NCOA2: variants seen among roughly 807,000 people sequenced by gnomAD.
NCOA2 encodes the protein nuclear receptor coactivator 2.
Under a neutral mutation model 145.1 loss-of-function variants are expected in NCOA2, and 21 were observed. That is an observed-to-expected ratio of 0.14 (90% confidence interval 0.10 to 0.21). The LOEUF (loss-of-function observed/expected upper bound fraction) is 0.21, where lower values mean the gene tolerates loss of function less well. Among genes scored for constraint, NCOA2 ranks in the 10% least tolerant of loss-of-function variants. NCOA2 has a pLI of 1.00. For missense variants in NCOA2, 1,472 were observed against 1,837.6 expected, an observed-to-expected ratio of 0.80 and a Z score of 3.64; for synonymous variants, 619 against 637.5, an observed-to-expected ratio of 0.97 and a Z score of 0.44.
At chr8:70,455,603 A>G in the NCOA2 span, among the ~76,000 whole-genome samples, 1 of 151,944 alleles carries the variant, frequency 6.6e-6, no homozygotes, top group South Asian at 2.1e-4. Context: ...TATGGGATTC[A>G]TCAGCCAATT....
chr8:70,116,136 G>A (rs959508724), intron 22 of NCOA2, among the ~76,000 whole-genome samples: 7 of 146,718 alleles, frequency 4.8e-5, no homozygotes, highest in African/African-American at 7.7e-5. Flanking sequence ...GCAGTGAGCC[G>A]AGATTGCGCC....
the NCOA2 span, among the ~76,000 whole-genome samples, chr8:70,451,226 A>AT: frequency 2.6e-5 from 3 of 114,736 alleles, no homozygotes; most frequent in African/African-American, 1.1e-4. Flanking sequence ...TCAAAAAAAA[A>AT]AAAAAAAAAA....
intron 19 of NCOA2, 31 bp downstream of exon 19, chr8:70,126,782 G>T: frequency 6.3e-7 from 1 of 1,576,336 alleles, no homozygotes; most frequent in Non-Finnish European, 8.7e-7. Flanking sequence ...GAAAGGACTG[G>T]TGAAAGGTGG....
intron 7 of NCOA2, among the ~76,000 whole-genome samples, 188 bp downstream of exon 7, chr8:70,166,378 T>C (rs1339162765): frequency 6.6e-6 from 1 of 152,210 alleles, no homozygotes. Flanking sequence ...CTTCCACCAT[T>C]GCAGATAATT....
intron 1 of NCOA2, among the ~76,000 whole-genome samples, chr8:70,364,779 A>T (rs1015991634): frequency 6.6e-6 from 1 of 151,122 alleles, no homozygotes; most frequent in Admixed American, 6.6e-5. Context: ...TCAGGAGCAA[A>T]GTAATATATT....
chr8:70,293,009 G>C (rs1021467304), intron 2 of NCOA2, among the ~76,000 whole-genome samples: 7 of 152,112 alleles, frequency 4.6e-5, no homozygotes, highest in African/African-American at 1.7e-4. Flanking sequence ...ATTCTACTCT[G>C]AACAGTTAAA....
At chr8:70,216,170 G>A (rs1819598773) in intron 3 of NCOA2, among the ~76,000 whole-genome samples, 2 of 152,104 alleles carry the variant, frequency 1.3e-5, no homozygotes, top group African/African-American at 4.8e-5. Flanking sequence ...TACCCTACAT[G>A]GGCATTATAA....
At chr8:70,200,849 G>A (rs1817803631) in intron 4 of NCOA2, among the ~76,000 whole-genome samples, 1 of 151,924 alleles carries the variant, frequency 6.6e-6, no homozygotes, top group Non-Finnish European at 1.5e-5. Context: ...CTTCAGCTCA[G>A]GAGTTCAAGG....
At chr8:70,371,431 T>C (rs1032549128) in intron 1 of NCOA2, among the ~76,000 whole-genome samples, 8 of 152,112 alleles carry the variant, frequency 5.3e-5, no homozygotes, top group East Asian at 1.9e-4. Flanking sequence ...AAGGTAAGAA[T>C]AGCACAGAAT....
chr8:70,162,027 TAG>T (rs1813080593), intron 9 of NCOA2, among the ~76,000 whole-genome samples: 2 of 152,152 alleles, frequency 1.3e-5, no homozygotes, highest in East Asian at 3.8e-4. Flanking sequence ...CACTGAATGC[TAG>T]AGAGTCAGTC....
At chr8:70,337,382 T>C (rs1009169600) in intron 1 of NCOA2, among the ~76,000 whole-genome samples, 2 of 152,124 alleles carry the variant, frequency 1.3e-5, no homozygotes, top group African/African-American at 4.8e-5. Flanking sequence ...TGGACGCAAC[T>C]TTCCAAGAGA....
At chr8:70,289,206 A>G (rs1826481626) in intron 2 of NCOA2, among the ~76,000 whole-genome samples, 1 of 152,234 alleles carries the variant, frequency 6.6e-6, no homozygotes, top group African/African-American at 2.4e-5. Context: ...CGCCACTTAA[A>G]AGGAAGAATT....
At chr8:70,268,551 T>G (rs1824795767) in intron 2 of NCOA2, among the ~76,000 whole-genome samples, 1 of 152,200 alleles carries the variant, frequency 6.6e-6, no homozygotes, top group East Asian at 1.9e-4. Flanking sequence ...TAACATAAAA[T>G]TTAGGTAATT....
Position 70,393,607 on chromosome 8 carries a change from G to A in NCOA2, c.-77+10093C>T, listed in dbSNP as rs950943822. 5.0e-4 allele frequency among the ~76,000 whole-genome samples: 76 copies of A among 151,904 alleles called. 1 individual carries two copies. The highest frequency in any genetic ancestry group is 9.6e-4 in the Non-Finnish European group (65 of 67,972). ...CTCCTAGTGACTCCCAGTTCATGAC[G>A]CCTGCAAGAGTCTCAGATCACCCTG... On this transcript the variant is annotated intron_variant, in intron 1 of 22. Coordinates refer to ENST00000452400, the MANE Select transcript of NCOA2 (RefSeq NM_006540.4).
chr8:70,339,919 C>A (rs977004166), intron 1 of NCOA2, among the ~76,000 whole-genome samples: 1 of 152,196 alleles, frequency 6.6e-6, no homozygotes, highest in South Asian at 2.1e-4. Context: ...CCCTTCCTTA[C>A]ACCTTATACA....
chr8:70,175,977 A>G (rs897347957), intron 4 of NCOA2, among the ~76,000 whole-genome samples: 6 of 152,116 alleles, frequency 3.9e-5, no homozygotes, highest in Admixed American at 6.5e-5. Flanking sequence ...GGTCCTCCCA[A>G]TCTTGCCATT....
intron 4 of NCOA2, among the ~76,000 whole-genome samples, chr8:70,183,465 T>C (rs1449205972): frequency 1.3e-5 from 2 of 152,216 alleles, no homozygotes; most frequent in African/African-American, 2.4e-5. Flanking sequence ...TTCTAAGACT[T>C]TGGTCTTAGT....
chr8:70,127,126 G>A (rs937186064), intron 18 of NCOA2, 79 bp from the exon 19 acceptor site: 18 of 983,692 alleles, frequency 1.8e-5, no homozygotes, highest in Non-Finnish European at 2.7e-5. Flanking sequence ...TTATAGAGAG[G>A]CTAGCAAATG....
chr8:70,188,312 T>G (rs552847864), intron 4 of NCOA2, among the ~76,000 whole-genome samples: 1 of 152,340 alleles, frequency 6.6e-6, no homozygotes, highest in Admixed American at 6.5e-5. Context: ...GTTTGTCAGC[T>G]CTGTATTGCC....
Sources: allele counts gnomAD v4.1 joint callset (sites outside exome capture counted in the v4.1 genomes callset), GRCh38; gene constraint gnomAD v4.1.1; transcripts MANE v1.5; gene names NCBI Gene and HGNC (gene_info 2026-07-23, HGNC 2026-07-21).